The following TULP4 variants were observed in gnomAD, a reference collection of about 807,000 sequenced individuals.
TULP4 encodes tubby-related protein 4.
A neutral mutation model predicts 129.0 loss-of-function variants in TULP4; 16 were observed. That is an observed-to-expected ratio of 0.12 (90% CI 0.08 to 0.19). TULP4 has a LOEUF of 0.19. Ranked by LOEUF, TULP4 falls within the 10% of genes least tolerant of loss-of-function variation. The probability of loss-of-function intolerance (pLI) is 1.00; values close to 1 mark genes in which losing one functional copy is unlikely to be tolerated. For missense variants in TULP4, 1,842 were observed against 2,059.1 expected (o/e 0.89, Z 2.04); for synonymous variants, 998 against 854.0 (o/e 1.17, Z -2.94).
At chr6:158,318,306 C>T (rs1360546821) in intron 1 of TULP4, among the ~76,000 whole-genome samples, 1 of 152,046 alleles carries the variant, frequency 6.6e-6, no homozygotes, top group Non-Finnish European at 1.5e-5. Flanking sequence ...CTCTCCCCCA[C>T]CCACCGCAAA....
At chr6:158,468,241 C>T (rs1466359284) in intron 6 of TULP4, among the ~76,000 whole-genome samples, 6 of 152,226 alleles carry the variant, frequency 3.9e-5, no homozygotes, top group Non-Finnish European at 8.8e-5. Context: ...AAAGGTTAGT[C>T]TTAAGATTAT....
At chr6:158,292,072 C>T (rs1778952237) in intron 1 of TULP4, among the ~76,000 whole-genome samples, 1 of 152,126 alleles carries the variant, frequency 6.6e-6, no homozygotes, top group Admixed American at 6.5e-5. Context: ...CTGGGGGAAT[C>T]CTTATTTCCT....
intron 2 of TULP4, among the ~76,000 whole-genome samples, chr6:158,429,286 G>A (rs1253719162): frequency 2.0e-5 from 3 of 152,220 alleles, no homozygotes; most frequent in East Asian, 1.9e-4. Context: ...CTACGGGCAC[G>A]TGCCAGCACG....
chr6:158,391,486 A>G (rs560747965), intron 1 of TULP4, among the ~76,000 whole-genome samples: 12 of 152,346 alleles, frequency 7.9e-5, no homozygotes, highest in African/African-American at 2.6e-4. Context: ...AGTGAATTCA[A>G]ACCTACAAAG....
chr6:158,241,389 C>A (rs1383911842), intron 1 of TULP4, among the ~76,000 whole-genome samples: 1 of 139,374 alleles, frequency 7.2e-6, no homozygotes, highest in Non-Finnish European at 1.6e-5. Context: ...GAGGCCAAGG[C>A]AGGCGGCTGG....
At chr6:158,311,396 C>T (rs574489050), upstream of TULP4, among the ~76,000 whole-genome samples, 3 of 152,100 alleles carry the variant, frequency 2.0e-5, no homozygotes, top group Non-Finnish European at 4.4e-5. Context: ...AAGTTAGGGA[C>T]AGAGTGTTCT....
rs766200192 is a variant in TULP4 at position 158,489,695 on chromosome 6, A to C, written c.1594A>C (p.Lys532Gln). 8 of 1,614,190 alleles carry C rather than the reference A, an allele frequency of 5.0e-6. No individual in the cohort carries two copies. Among genetic ancestry groups the C allele is most frequent in the African/African-American group, 2.7e-5 (2 of 75,048 alleles). The change falls in exon 9 of 14, where the codon AAA (lysine) becomes CAA (glutamine). Residue 532 changes from lysine to glutamine, a missense_variant. Physicochemically the swap from Lys to Gln is moderately conservative, Grantham distance 53. Around this residue, in one of 5 missense-constraint regions of TULP4, gnomAD observed 456 missense variants for 534.3 expected, o/e 0.85. Coordinates refer to ENST00000367097, the MANE Select transcript of TULP4 (RefSeq NM_020245.5). ...TGACTGGGCTGCCAAGAAATCTCCCAAAATCTCCAGAGCTAGCAAATCACC... is the reference window on the plus strand; with the variant it reads ...TGACTGGGCTGCCAAGAAATCTCCCCAAATCTCCAGAGCTAGCAAATCACC... The part of the protein sequence containing the change: ...SDDWAAKKSP[K>Q]ISRASKSPKL...
At chr6:158,309,503 G>C (rs1404364427), upstream of TULP4, among the ~76,000 whole-genome samples, 1 of 151,954 alleles carries the variant, frequency 6.6e-6, no homozygotes, top group East Asian at 2.0e-4. Flanking sequence ...GCCGGGCAGA[G>C]GCTGCACTCT....
intron 4 of TULP4, among the ~76,000 whole-genome samples, chr6:158,451,889 A>G (rs748895527): frequency 8.5e-5 from 13 of 152,176 alleles, no homozygotes; most frequent in Non-Finnish European, 1.2e-4. Context: ...CCACTCACCA[A>G]TTGCCCCCAG....
At chr6:158,399,696 G>GC (rs1777799528) in intron 1 of TULP4, among the ~76,000 whole-genome samples, 1 of 152,194 alleles carries the variant, frequency 6.6e-6, no homozygotes. Flanking sequence ...CTTTCTGTGT[G>GC]CCAGACAGTT....
intron 8 of TULP4, among the ~76,000 whole-genome samples, chr6:158,485,616 C>G (rs1365657882): frequency 2.0e-5 from 3 of 152,242 alleles, no homozygotes; most frequent in Non-Finnish European, 2.9e-5. Flanking sequence ...TCCACCTCCT[C>G]AGTTTCAGCA....
chr6:158,421,265 G>A (rs1425222594), intron 2 of TULP4, among the ~76,000 whole-genome samples: 1 of 152,116 alleles, frequency 6.6e-6, no homozygotes, highest in East Asian at 1.9e-4. Flanking sequence ...GGGAGGCTGA[G>A]GCAGGAGAAT....
chr6:158,312,156 G>A, upstream of TULP4: 2 of 398,374 alleles, frequency 5.0e-6, no homozygotes, highest in East Asian at 7.1e-5. Context: ...GTGTCTATGT[G>A]CATTTAAAAC....
At chr6:158,256,809 C>A (rs1022418868) in intron 1 of TULP4, among the ~76,000 whole-genome samples, 20 of 152,222 alleles carry the variant, frequency 1.3e-4, no homozygotes, top group Non-Finnish European at 1.2e-4. Context: ...AATGAGACTT[C>A]CCCCCTATGC....
chr6:158,359,364 T>C (rs116108047), intron 1 of TULP4, among the ~76,000 whole-genome samples: 1 of 152,154 alleles, frequency 6.6e-6, no homozygotes, highest in Non-Finnish European at 1.5e-5. Context: ...ATAGGACAGA[T>C]GTATGTTAAA....
At chr6:158,319,387 G>A (rs911771999) in intron 1 of TULP4, among the ~76,000 whole-genome samples, 2 of 148,480 alleles carry the variant, frequency 1.3e-5, no homozygotes, top group Admixed American at 6.9e-5. Flanking sequence ...TTTCATTTCC[G>A]GGAAGGCTGA....
At chr6:158,444,318 G>T (rs1778982039) in intron 3 of TULP4, among the ~76,000 whole-genome samples, 1 of 149,290 alleles carries the variant, frequency 6.7e-6, no homozygotes, top group Non-Finnish European at 1.5e-5. Flanking sequence ...GAAAAGGAGG[G>T]GCATCATGGC....
In TULP4 at chr6:158,406,594, A is replaced by G. The variant is rs1273322728; in HGVS notation, c.253-6471A>G. ...ATGAATGCCTGAATATGGTCAAAAG[A>G]TGAAAGTATTAACTGTTGGGTTTCC... is the stretch of plus-strand genomic sequence containing the variant. On this transcript the variant is annotated intron_variant, in intron 1 of 13. Coordinates refer to ENST00000367097, the MANE Select transcript of TULP4 (RefSeq NM_020245.5). 2.0e-5 allele frequency among the ~76,000 whole-genome samples: 3 copies of G among 152,348 alleles called. No individual in the cohort carries two copies. In the East Asian group the frequency reaches 5.8e-4, roughly 29 times the overall value.
intron 11 of TULP4, among the ~76,000 whole-genome samples, chr6:158,497,651 CA>C (rs1780361756): frequency 6.6e-6 from 1 of 152,198 alleles, no homozygotes; most frequent in South Asian, 2.1e-4. Context: ...TGGAACCACA[CA>C]GTATTTTTAA....
Sources: gnomAD v4.1 joint callset for allele counts (sites outside exome capture counted in the v4.1 genomes callset) on GRCh38, gnomAD v4.1.1 for gene constraint, gnomAD v4.1.1 regional missense constraint, MANE v1.5 for transcripts, NCBI Gene and HGNC (gene_info 2026-07-23, HGNC 2026-07-21) for gene names.